Variants in SLC12A3 observed in about 807,000 individuals in gnomAD.
SLC12A3 encodes solute carrier family 12 member 3, also known as Na-Cl cotransporter.
A neutral mutation model predicts 121.0 loss-of-function variants in SLC12A3; 104 were observed. That is an observed-to-expected ratio of 0.86 (90% CI 0.73 to 1.01). SLC12A3 has a LOEUF of 1.01. Ranked by LOEUF, SLC12A3 falls within the 50% of genes least tolerant of loss-of-function variation. SLC12A3 has a pLI of 0.00. For synonymous variants in SLC12A3, 536 were observed against 533.4 expected (o/e 1.00, Z -0.07); for missense variants, 1,328 against 1,356.3 (o/e 0.98, Z 0.33).
chr16:56,866,272 C>T (rs1172413923), intron 1 of SLC12A3, among the ~76,000 whole-genome samples: 1 of 152,142 alleles, frequency 6.6e-6, no homozygotes, highest in Non-Finnish European at 1.5e-5. Flanking sequence ...AGGCATGAGC[C>T]ACCACGCCCA....
chr16:56,911,734 T>C (rs2055688918), intron 25 of SLC12A3, among the ~76,000 whole-genome samples: 1 of 152,042 alleles, frequency 6.6e-6, no homozygotes, highest in South Asian at 2.1e-4. Context: ...TCAGAGGAGG[T>C]TGGAGTTGCT....
Position 56,869,709 on chromosome 16 carries a change from G to A in SLC12A3, c.506-20G>A, listed in dbSNP as rs142736882. 3.7e-6 allele frequency: 6 copies of A among 1,611,348 alleles called. No individual in the cohort carries two copies. The highest frequency in any genetic ancestry group is 1.7e-5 in the Admixed American group (1 of 59,988). ...CTCCCTTGGGAAATGCCCTGCCTAA[G>A]CTTTGGGTGCCCCCTGCAGTCCTGA... On this transcript the variant is annotated intron_variant, in intron 3 of 25. Transcript: ENST00000563236.
chr16:56,899,915 G>A (rs372952324), intron 23 of SLC12A3, among the ~76,000 whole-genome samples: 17 of 152,336 alleles, frequency 1.1e-4, no homozygotes, highest in African/African-American at 3.6e-4. Flanking sequence ...CTCCTTCCAC[G>A]CAAGGGCAAG....
In SLC12A3 at chr16:56,872,706, A is replaced by C; in HGVS notation, c.1015A>C (p.Thr339Pro). Residue 339 changes from threonine to proline, a missense_variant, in exon 8 of 26, where the codon ACC (threonine) becomes CCC (proline). Physicochemically the swap from Thr to Pro is conservative, Grantham distance 38 (BLOSUM62 -1). Coordinates refer to ENST00000563236, the MANE Select transcript of SLC12A3 (RefSeq NM_001126108.2). ...GCCTGACTGGCGGGGTCCAGATGGC[A>C]CCTTCTTCGGAATGTTCTCCATCTT... is the stretch of plus-strand genomic sequence containing the variant. ...LVPDWRGPDGTFFGMFSIFFP... is the reference protein window; with the variant it reads ...LVPDWRGPDGPFFGMFSIFFP... The C allele has an allele frequency of 6.2e-7, 1 of 1,614,172 alleles. No homozygotes were observed. Among genetic ancestry groups the C allele is most frequent in the Non-Finnish European group, 8.5e-7 (1 of 1,180,030 alleles).
intron 13 of SLC12A3, 101 bp from the exon 14 acceptor site, chr16:56,883,948 C>G: frequency 7.4e-7 from 1 of 1,343,792 alleles, no homozygotes; most frequent in Non-Finnish European, 1.1e-6. Context: ...GACCCCGGCT[C>G]TGGGCACTGC....
chr16:56,869,903 C>G, intron 4 of SLC12A3, 79 bp downstream of exon 4: 2 of 1,416,312 alleles, frequency 1.4e-6, no homozygotes, highest in Non-Finnish European at 2.0e-6. Context: ...ACTTCCCCAA[C>G]CCAATGGTAC....
chr16:56,886,764 T>G (rs1164439745), intron 16 of SLC12A3, among the ~76,000 whole-genome samples, 189 bp from the exon 17 acceptor site: 4 of 152,014 alleles, frequency 2.6e-5, no homozygotes, highest in Non-Finnish European at 4.4e-5. Context: ...GCCTCTTTTC[T>G]GCCCCCTCCC....
In SLC12A3 at chr16:56,906,413, A is replaced by G. The variant is rs116779342; in HGVS notation, c.2924+1951A>G. ...GATACGCATCCTCCTAGGTCTCATCAAAGGCTAGAAGCTGAGCAACCAGTT... is the reference window on the plus strand; with the variant it reads ...GATACGCATCCTCCTAGGTCTCATCGAAGGCTAGAAGCTGAGCAACCAGTT... On this transcript the variant is annotated intron_variant, in intron 25 of 25. Transcript: ENST00000563236. 1,010 of 156,066 alleles carry G rather than the reference A, an allele frequency of 6.5e-3. 13 individuals carry two copies. Among genetic ancestry groups the G allele is most frequent in the African/African-American group, 0.023 (945 of 41,622 alleles). 9.7% of individuals were successfully genotyped at this position (156,066 alleles called of 1,614,324 possible).
chr16:56,884,263 C>A lies in SLC12A3; in HGVS notation c.1825+59C>A, dbSNP rs917806797. 4.3e-5 allele frequency: 68 copies of A among 1,579,676 alleles called. No individual in the cohort carries two copies. In the Admixed American group the frequency reaches 7.0e-4, roughly 16 times the overall value. The stretch of plus-strand genomic sequence containing the variant: ...TCCCCCAGGGTAGCCATGCAGGCGG[C>A]CCTGCCCTCCGCCCCAGTTGGAGGG... On this transcript the variant is annotated intron_variant, in intron 14 of 25. Transcript: ENST00000563236.
intron 21 of SLC12A3, among the ~76,000 whole-genome samples, chr16:56,893,927 G>C (rs1210445445): frequency 6.8e-6 from 1 of 148,072 alleles, no homozygotes; most frequent in Non-Finnish European, 1.5e-5. Context: ...ACAGGCGGCT[G>C]CCACCACACC....
intron 12 of SLC12A3, among the ~76,000 whole-genome samples, chr16:56,880,825 G>A (rs1023993329): frequency 7.9e-5 from 12 of 152,190 alleles, no homozygotes; most frequent in Non-Finnish European, 1.5e-4. Flanking sequence ...CCAGCTGTGT[G>A]ACCTTAGACA....
intron 24 of SLC12A3, among the ~76,000 whole-genome samples, chr16:56,903,148 C>CAA (rs34955209): frequency 1.7e-4 from 20 of 119,120 alleles, no homozygotes; most frequent in African/African-American, 2.9e-4. Flanking sequence ...GACTCCGTCT[C>CAA]AAAAAAAAAA....
chr16:56,890,933 C>T (rs2055380831), intron 19 of SLC12A3, among the ~76,000 whole-genome samples: 2 of 150,258 alleles, frequency 1.3e-5, no homozygotes, highest in Admixed American at 6.6e-5. Context: ...AATAGAAAAC[C>T]AGGAAAGAGG....
chr16:56,865,322 T>C lies in SLC12A3; in HGVS notation c.87T>C (p.Asp29=). ...RFTISTLLSS[D]EPSPPAAYDS... Reference sequence around the variant, plus strand: ...CCATCAGCACACTGCTGAGCAGTGATGAGCCCTCTCCACCAGCTGCCTATG... The same window carrying C: ...CCATCAGCACACTGCTGAGCAGTGACGAGCCCTCTCCACCAGCTGCCTATG... The change falls in exon 1 of 26, where the codon GAT becomes GAC. Residue 29 remains aspartate (D), a synonymous_variant. Coordinates refer to ENST00000563236, the MANE Select transcript of SLC12A3 (RefSeq NM_001126108.2). The C allele has an allele frequency of 6.2e-7, 1 of 1,613,098 alleles. No homozygotes were observed. Among genetic ancestry groups the C allele is most frequent in the Non-Finnish European group, 8.5e-7 (1 of 1,179,186 alleles).
At chr16:56,909,441 A>G (rs1215398049) in intron 25 of SLC12A3, among the ~76,000 whole-genome samples, 5 of 142,306 alleles carry the variant, frequency 3.5e-5, no homozygotes, top group African/African-American at 1.3e-4. Flanking sequence ...CATCCCCCAA[A>G]CTCACAGGGA....
intron 12 of SLC12A3, among the ~76,000 whole-genome samples, chr16:56,881,049 C>T (rs2055233329): frequency 1.3e-5 from 2 of 152,320 alleles, no homozygotes; most frequent in Admixed American, 1.3e-4. Context: ...GCAGAACTCG[C>T]GAGGAGAGAG....
chr16:56,880,009 C>A, intron 11 of SLC12A3, 121 bp from the exon 12 acceptor site: 1 of 1,253,826 alleles, frequency 8.0e-7, no homozygotes. Context: ...GAAACAGACA[C>A]CAGGACCCAG....
At chr16:56,872,828 A>G in intron 8 of SLC12A3, 42 bp downstream of exon 8, 1 of 1,612,826 alleles carries the variant, frequency 6.2e-7, no homozygotes, top group South Asian at 1.1e-5. Context: ...GGCACTGCAC[A>G]GGGGCTATGA....
intron 15 of SLC12A3, among the ~76,000 whole-genome samples, chr16:56,885,758 A>C (rs1443244146): frequency 2.0e-5 from 3 of 152,146 alleles, no homozygotes; most frequent in African/African-American, 7.2e-5. Context: ...ACCAGATCCT[A>C]ATAATTATTG....
Sources: gnomAD v4.1 joint callset for allele counts (sites outside exome capture counted in the v4.1 genomes callset) on GRCh38, gnomAD v4.1.1 for gene constraint, MANE v1.5 for transcripts, NCBI Gene and HGNC (gene_info 2026-07-23, HGNC 2026-07-21) for gene names.